Variants in ARMH4 observed in about 807,000 individuals in gnomAD.
ARMH4 encodes armadillo-like helical domain-containing protein 4.
In ARMH4, 49 loss-of-function variants were observed where a neutral mutation model predicts 61.9. The observed-to-expected ratio is 0.79, with a 90% CI of 0.63 to 1.00. ARMH4 has a LOEUF of 1.00. Among genes scored for constraint, ARMH4 ranks in the 50% least tolerant of loss-of-function variants. ARMH4 has a pLI of 0.00. For missense variants in ARMH4, 934 were observed against 930.0 expected (o/e 1.00, Z -0.06); for synonymous variants, 368 against 341.5 (o/e 1.08, Z -0.85).
Position 58,000,925 on chromosome 14 carries a change from A to T in ARMH4, c.*3811T>A, listed in dbSNP as rs10133164. ...CAAATTTTTAACTGCACAGTACGAT[A>T]TTGTTAACTATAGGCACTATGTTAT... is the stretch of plus-strand genomic sequence containing the variant. On this transcript the variant is annotated 3_prime_UTR_variant, in exon 8 of 8. Coordinates refer to ENST00000267485, the MANE Select transcript of ARMH4 (RefSeq NM_001001872.4). 0.14 allele frequency: 21,241 copies of T among 152,178 alleles called. 1,739 individuals carry two copies. Among genetic ancestry groups the T allele is most frequent in the African/African-American group, 0.22 (9,301 of 41,502 alleles). 9.4% of individuals were successfully genotyped at this position (152,178 alleles called of 1,614,324 possible).
At chr14:58,083,536 T>C (rs1885293670) in intron 5 of ARMH4, among the ~76,000 whole-genome samples, 1 of 152,086 alleles carries the variant, frequency 6.6e-6, no homozygotes. Flanking sequence ...TGAGCTGAGA[T>C]TGCACAGCTG....
chr14:58,058,064 T>G (rs1884407721), intron 5 of ARMH4, among the ~76,000 whole-genome samples: 1 of 152,200 alleles, frequency 6.6e-6, no homozygotes, highest in Non-Finnish European at 1.5e-5. Context: ...CACTTTTTCT[T>G]CAGCAAAGGA....
At chr14:58,110,282 G>A (rs1382667910) in intron 4 of ARMH4, among the ~76,000 whole-genome samples, 1 of 151,660 alleles carries the variant, frequency 6.6e-6, no homozygotes, top group East Asian at 1.9e-4. Context: ...GTATTGTGGA[G>A]TGACTAAATC....
intron 5 of ARMH4, among the ~76,000 whole-genome samples, chr14:58,067,984 G>A (rs1399573978): frequency 1.3e-5 from 2 of 152,186 alleles, no homozygotes; most frequent in Admixed American, 1.3e-4. Context: ...CTAATGGATG[G>A]TATGTCATTG....
chr14:58,127,643 C>T (rs1428789180), intron 4 of ARMH4, among the ~76,000 whole-genome samples: 1 of 152,114 alleles, frequency 6.6e-6, no homozygotes, highest in Non-Finnish European at 1.5e-5. Context: ...TAAGACCAAT[C>T]GGATCAAGAA....
intron 5 of ARMH4, among the ~76,000 whole-genome samples, chr14:58,083,014 C>G (rs531629989): frequency 6.6e-6 from 1 of 152,258 alleles, no homozygotes; most frequent in East Asian, 1.9e-4. Flanking sequence ...TGCCTCCTGG[C>G]TAGCTGCAGA....
intron 4 of ARMH4, among the ~76,000 whole-genome samples, chr14:58,123,066 TC>T (rs1886780220): frequency 6.6e-6 from 1 of 152,056 alleles, no homozygotes; most frequent in Admixed American, 6.5e-5. Context: ...ATCCGAGGGG[TC>T]CTAGGACAGC....
chr14:58,106,702 C>T (rs1197091606), intron 4 of ARMH4, among the ~76,000 whole-genome samples: 1 of 152,116 alleles, frequency 6.6e-6, no homozygotes, highest in African/African-American at 2.4e-5. Flanking sequence ...TTCCAAGAGA[C>T]TCAAACGGCT....
At chr14:58,055,709 C>T (rs1365814135) in intron 5 of ARMH4, among the ~76,000 whole-genome samples, 1 of 152,172 alleles carries the variant, frequency 6.6e-6, no homozygotes, top group Non-Finnish European at 1.5e-5. Flanking sequence ...GCACTTTAAT[C>T]AGATGCCCAG....
At chr14:58,056,191 T>C (rs178483) in intron 5 of ARMH4, among the ~76,000 whole-genome samples, 39,786 of 152,166 alleles carry the variant, frequency 0.26, 6,871 homozygotes, top group East Asian at 0.64. Flanking sequence ...TGCTGAATCA[T>C]AGAATCATAA....
Position 58,138,015 on chromosome 14 carries a change from G to T in ARMH4, c.1344C>A (p.Asp448Glu). The T allele has an allele frequency of 8.7e-6, 14 of 1,609,958 alleles. No homozygotes were observed. Among genetic ancestry groups the T allele is most frequent in the Non-Finnish European group, 1.1e-5 (13 of 1,177,132 alleles). The change falls in exon 2 of 8, where the codon GAC (aspartate) becomes GAA (glutamate). Residue 448 changes from aspartate to glutamate, a missense_variant. By Grantham distance (45) the Asp-to-Glu change is conservative (BLOSUM62 2). Coordinates refer to ENST00000267485, the MANE Select transcript of ARMH4 (RefSeq NM_001001872.4). ...CTTTCATTGTATTTCCCAACAGTTG[G>T]TCTGCCTCAGACTCATATACAGAGA... ...VSVSVYESEA[D>E]QLLGNTMKDI...
intron 5 of ARMH4, among the ~76,000 whole-genome samples, chr14:58,049,703 C>T (rs924169066): frequency 6.7e-6 from 1 of 148,656 alleles, no homozygotes; most frequent in South Asian, 2.1e-4. Context: ...GTGGCTGTCA[C>T]AAAAAAAAAT....
intron 4 of ARMH4, among the ~76,000 whole-genome samples, chr14:58,098,895 A>G (rs1885853569): frequency 6.6e-6 from 1 of 152,178 alleles, no homozygotes; most frequent in South Asian, 2.1e-4. Context: ...TATCAAAGCA[A>G]GAGATGAAAA....
intron 5 of ARMH4, among the ~76,000 whole-genome samples, chr14:58,060,061 C>T (rs773376702): frequency 1.3e-5 from 2 of 152,158 alleles, no homozygotes; most frequent in Non-Finnish European, 2.9e-5. Context: ...AGGAGAAATG[C>T]TTTCATGTCT....
chr14:58,099,063 TC>T (rs1332348137), intron 4 of ARMH4, among the ~76,000 whole-genome samples: 5 of 151,940 alleles, frequency 3.3e-5, no homozygotes, highest in African/African-American at 1.2e-4. Flanking sequence ...AGGAGGAAGA[TC>T]CCACATGACT....
chr14:58,034,207 G>A (rs1433001638), intron 5 of ARMH4, among the ~76,000 whole-genome samples: 10 of 136,426 alleles, frequency 7.3e-5, no homozygotes, highest in East Asian at 2.1e-4. Flanking sequence ...CGGATCTCTC[G>A]GCAGAAACCC....
chr14:58,119,341 G>T (rs1886642105), intron 4 of ARMH4, among the ~76,000 whole-genome samples: 1 of 152,144 alleles, frequency 6.6e-6, no homozygotes, highest in South Asian at 2.1e-4. Flanking sequence ...ACATATTTAA[G>T]GTTTGTAATT....
chr14:58,044,957 A>C (rs1883878662), intron 5 of ARMH4, among the ~76,000 whole-genome samples: 1 of 152,204 alleles, frequency 6.6e-6, no homozygotes, highest in South Asian at 2.1e-4. Context: ...AAAAGCCAGG[A>C]AACAACAGGT....
intron 1 of ARMH4, among the ~76,000 whole-genome samples, 191 bp from the exon 2 acceptor site, chr14:58,139,605 T>G (rs1887463147): frequency 6.6e-6 from 1 of 152,242 alleles, no homozygotes; most frequent in Non-Finnish European, 1.5e-5. Context: ...CTGCTGAATT[T>G]TGCTGATTTA....
Sources: allele counts gnomAD v4.1 joint callset (sites outside exome capture counted in the v4.1 genomes callset), GRCh38; gene constraint gnomAD v4.1.1; transcripts MANE v1.5; gene names NCBI Gene and HGNC (gene_info 2026-07-23, HGNC 2026-07-21).